Variants in ACTN1 observed in about 807,000 individuals in gnomAD.
ACTN1 encodes the protein actinin alpha 1.
A neutral mutation model predicts 119.6 loss-of-function variants in ACTN1; 30 were observed. That is an observed-to-expected ratio of 0.25 (90% confidence interval 0.19 to 0.34). The LOEUF is 0.34. Ranked by LOEUF, ACTN1 falls within the 10% of genes least tolerant of loss-of-function variation. The pLI, the probability that ACTN1 is intolerant of heterozygous loss-of-function variation, is 1.00. For missense variants in ACTN1, 764 were observed against 1,223.4 expected (o/e 0.62, Z 5.60); for synonymous variants, 429 against 472.6 (o/e 0.91, Z 1.20).
intron 11 of ACTN1, chr14:68,887,519 C>T (rs1404247543): frequency 8.1e-7 from 1 of 1,232,770 alleles, no homozygotes; most frequent in African/African-American, 1.5e-5. Context: ...GTTAAGCTGA[C>T]ACCCGAGACA....
chr14:68,949,635 C>CA (rs1170471276), intron 1 of ACTN1, among the ~76,000 whole-genome samples: 1 of 152,224 alleles, frequency 6.6e-6, no homozygotes, highest in Non-Finnish European at 1.5e-5. Flanking sequence ...TGCAAGGACT[C>CA]AAACAGGTAT....
At position 68,916,258 on chromosome 14, in the gene ACTN1, C is replaced by G. The variant is rs550551981; in HGVS notation, c.341-4016G>C. Among the ~76,000 whole-genome samples, 10 of 152,264 alleles carry G rather than the reference C, an allele frequency of 6.6e-5. 2 individuals carry two copies. Among genetic ancestry groups the G allele is most frequent in the African/African-American group, 2.2e-4 (9 of 41,568 alleles). On this transcript the variant is annotated intron_variant, in intron 3 of 21. Transcript: ENST00000394419. ...TCCCTTGGTCCCCCACATGCTGCCCCACTCTGTGACGGCCAAACTCCAGGG... is the reference window on the plus strand; with the variant it reads ...TCCCTTGGTCCCCCACATGCTGCCCGACTCTGTGACGGCCAAACTCCAGGG...
chr14:68,978,066 C>T lies in ACTN1; in HGVS notation c.105+886G>A, dbSNP rs1433546238. The T allele has an allele frequency of 1.3e-5, 6 of 455,604 alleles. 1 individual carries two copies. The highest frequency in any genetic ancestry group is 7.7e-5 in the South Asian group (5 of 64,524). The allele number at this position is 455,604 out of a possible 1,614,324, so 28.2% of individuals were successfully genotyped here. ...CCGGGTCCCATCGCCAGCTCCGAGCCCAGCTCCCGTGGCGGGGCGCGCACC... is the reference window on the plus strand; with the variant it reads ...CCGGGTCCCATCGCCAGCTCCGAGCTCAGCTCCCGTGGCGGGGCGCGCACC... On this transcript the variant is annotated intron_variant, in intron 1 of 21. Coordinates refer to ENST00000394419, the MANE Select transcript of ACTN1 (RefSeq NM_001130004.2).
intron 8 of ACTN1, among the ~76,000 whole-genome samples, chr14:68,901,671 T>G (rs969216241): frequency 6.6e-6 from 1 of 151,988 alleles, no homozygotes; most frequent in African/African-American, 2.4e-5. Flanking sequence ...ACCAGGGAGG[T>G]CTGGGGGAGG....
intron 1 of ACTN1, among the ~76,000 whole-genome samples, chr14:68,956,658 G>A (rs1489178846): frequency 2.0e-5 from 3 of 152,194 alleles, no homozygotes; most frequent in African/African-American, 4.8e-5. Flanking sequence ...CAAGGAAGTT[G>A]TGGTCACCTG....
chr14:68,960,057 T>C (rs926949157), intron 1 of ACTN1, among the ~76,000 whole-genome samples: 1 of 152,192 alleles, frequency 6.6e-6, no homozygotes, highest in Non-Finnish European at 1.5e-5. Flanking sequence ...TATTTGCTAT[T>C]CAGTAAGTGG....
intron 3 of ACTN1, among the ~76,000 whole-genome samples, chr14:68,918,721 C>T (rs775285523): frequency 6.7e-6 from 1 of 150,370 alleles, no homozygotes; most frequent in Non-Finnish European, 1.5e-5. Context: ...CAGTGAAATC[C>T]CATCTCTACT....
At chr14:68,937,890 G>A (rs897143882) in intron 1 of ACTN1, among the ~76,000 whole-genome samples, 3 of 152,222 alleles carry the variant, frequency 2.0e-5, no homozygotes, top group Non-Finnish European at 2.9e-5. Context: ...GAGAAGGCCA[G>A]GCCAGCACCT....
intron 1 of ACTN1, among the ~76,000 whole-genome samples, chr14:68,944,475 G>A (rs1415129660): frequency 2.6e-5 from 4 of 152,200 alleles, no homozygotes; most frequent in Non-Finnish European, 5.9e-5. Flanking sequence ...CTGTATCAGG[G>A]ACTAGGGTTA....
At chr14:68,946,169 ACAGCCCAC>A (rs368765986) in intron 1 of ACTN1, among the ~76,000 whole-genome samples, 21 of 152,158 alleles carry the variant, frequency 1.4e-4, no homozygotes, top group East Asian at 7.8e-4. Context: ...CCCTCCGCTC[ACAGCCCAC>A]CAGCCCACCA....
chr14:68,920,126 A>AGTGG (rs1330370432), intron 3 of ACTN1, among the ~76,000 whole-genome samples: 1 of 152,200 alleles, frequency 6.6e-6, no homozygotes. Context: ...TGATGGCGGA[A>AGTGG]CCTTGAGGAA....
chr14:68,975,234 CCT>C (rs2037022532), intron 1 of ACTN1, among the ~76,000 whole-genome samples: 2 of 152,208 alleles, frequency 1.3e-5, no homozygotes, highest in Non-Finnish European at 2.9e-5. Context: ...GCCAACGCTG[CCT>C]CTCTGTTTCA....
chr14:68,893,791 G>A lies in ACTN1; in HGVS notation c.763-44C>T, dbSNP rs139867709. 434 of 1,595,140 alleles carry A rather than the reference G, an allele frequency of 2.7e-4. No individual in the cohort carries two copies. The African/African-American group carries it at 5.1e-3, about 19-fold the overall frequency. On this transcript the variant is annotated intron_variant, in intron 8 of 21. Coordinates refer to ENST00000394419, the MANE Select transcript of ACTN1 (RefSeq NM_001130004.2). ...GAGTCACGACCAGCCAGCCCCAGCAGCAGGGGCACCTGGTACACACCTGTG... is the reference window on the plus strand; with the variant it reads ...GAGTCACGACCAGCCAGCCCCAGCAACAGGGGCACCTGGTACACACCTGTG...
At chr14:68,929,774 G>A (rs1044892089) in intron 1 of ACTN1, among the ~76,000 whole-genome samples, 4 of 152,162 alleles carry the variant, frequency 2.6e-5, no homozygotes, top group Admixed American at 2.6e-4. Flanking sequence ...CGGGACAGAG[G>A]GAGGGGCCGC....
rs184584111 is a variant in ACTN1 at position 68,955,295 on chromosome 14, G to A, written c.105+23657C>T. Among the ~76,000 whole-genome samples the A allele has an allele frequency of 6.6e-5, 10 of 152,314 alleles. No individual in the cohort carries two copies. In the East Asian group the frequency reaches 9.7e-4, roughly 15 times the overall value. On this transcript the variant is annotated intron_variant, in intron 1 of 21. Coordinates refer to ENST00000394419, the MANE Select transcript of ACTN1 (RefSeq NM_001130004.2). ...TCCCATTGCCTGGGAATGTCTCAAGGGAGCTGTCTGAGTCTATCCCAGCAA... is the reference window on the plus strand; with the variant it reads ...TCCCATTGCCTGGGAATGTCTCAAGAGAGCTGTCTGAGTCTATCCCAGCAA...
chr14:68,978,080 G>A (rs897129435), intron 1 of ACTN1: 11 of 455,208 alleles, frequency 2.4e-5, no homozygotes, highest in Admixed American at 1.6e-4. Flanking sequence ...CTCCCGTGGC[G>A]GGGCGCGCAC....
At chr14:68,890,032 CCAAATGAAA>C in intron 11 of ACTN1, 98 bp downstream of exon 11, 1 of 1,487,210 alleles carries the variant, frequency 6.7e-7, no homozygotes, top group Non-Finnish European at 9.0e-7. Flanking sequence ...TAGTAAGAGA[CCAAATGAAA>C]CAAATGAAAA....
At chr14:68,918,550 A>C (rs1447395751) in intron 3 of ACTN1, among the ~76,000 whole-genome samples, 1 of 149,250 alleles carries the variant, frequency 6.7e-6, no homozygotes, top group Non-Finnish European at 1.5e-5. Context: ...GCCCCTCTAC[A>C]CTCCAGCCTG....
At chr14:68,906,447 G>A (rs2033673463) in intron 6 of ACTN1, among the ~76,000 whole-genome samples, 1 of 152,168 alleles carries the variant, frequency 6.6e-6, no homozygotes, top group African/African-American at 2.4e-5. Flanking sequence ...CATCATCCAG[G>A]ATGTTTTCAG....
Sources: gnomAD v4.1 joint callset for allele counts (sites outside exome capture counted in the v4.1 genomes callset) on GRCh38, gnomAD v4.1.1 for gene constraint, MANE v1.5 for transcripts, NCBI Gene and HGNC (gene_info 2026-07-23, HGNC 2026-07-21) for gene names.